The following NAALADL2 variants were observed in gnomAD, a reference collection of about 807,000 sequenced individuals.
The protein encoded by NAALADL2 is inactive N-acetylated-alpha-linked acidic dipeptidase-like protein 2.
In NAALADL2, 76 loss-of-function variants were observed where a neutral mutation model predicts 87.2. The observed-to-expected ratio is 0.87, with a 90% CI of 0.72 to 1.05. The LOEUF (loss-of-function observed/expected upper bound fraction) is 1.05. NAALADL2 is among the 50% of genes least tolerant of loss of function. The probability of loss-of-function intolerance (pLI) is 0.00; values close to 1 mark genes in which losing one functional copy is unlikely to be tolerated. For missense variants in NAALADL2, 1,089 were observed against 945.8 expected, an observed-to-expected ratio of 1.15 and a Z score of -1.99; for synonymous variants, 354 against 331.0, an observed-to-expected ratio of 1.07 and a Z score of -0.75.
chr3:174,838,037 G>C (rs201612678), intron 3 of NAALADL2, among the ~76,000 whole-genome samples: 1 of 117,348 alleles, frequency 8.5e-6, no homozygotes, highest in Non-Finnish European at 1.8e-5. Context: ...AAAAAAAAAA[G>C]AAAAAAAAAA....
At chr3:175,097,969 T>G (rs184482578) in intron 2 of NAALADL2, among the ~76,000 whole-genome samples, 21 of 152,230 alleles carry the variant, frequency 1.4e-4, no homozygotes, top group Admixed American at 5.9e-4. Context: ...CTGGGTTACA[T>G]TGATTTGTTA....
intron 3 of NAALADL2, among the ~76,000 whole-genome samples, chr3:175,252,508 T>A (rs1454203722): frequency 6.6e-6 from 1 of 152,122 alleles, no homozygotes; most frequent in Non-Finnish European, 1.5e-5. Context: ...CTCCCTCTCC[T>A]GGGCCTCTGT....
At chr3:175,714,914 A>G (rs1443883536) in intron 11 of NAALADL2, among the ~76,000 whole-genome samples, 6 of 152,182 alleles carry the variant, frequency 3.9e-5, no homozygotes, top group Admixed American at 3.9e-4. Context: ...CGTAAGACCT[A>G]AAACCATAAA....
chr3:175,550,535 A>T (rs2149489348), intron 9 of NAALADL2, among the ~76,000 whole-genome samples: 1 of 152,308 alleles, frequency 6.6e-6, no homozygotes, highest in Admixed American at 6.5e-5. Context: ...TGATAAAATA[A>T]AGATATTGTT....
intron 3 of NAALADL2, among the ~76,000 whole-genome samples, chr3:174,843,239 C>T (rs1407658784): frequency 6.6e-6 from 1 of 152,056 alleles, no homozygotes; most frequent in Non-Finnish European, 1.5e-5. Flanking sequence ...TCTGATCAAT[C>T]TCTTCCCATC....
intron 2 of NAALADL2, among the ~76,000 whole-genome samples, chr3:174,592,668 G>C (rs1453703442): frequency 2.0e-5 from 3 of 152,122 alleles, no homozygotes; most frequent in Admixed American, 2.0e-4. Context: ...CAAAGTTGTT[G>C]TCTAATTTGG....
intron 1 of NAALADL2, among the ~76,000 whole-genome samples, chr3:174,888,475 C>G (rs1269849294): frequency 6.6e-6 from 1 of 152,182 alleles, no homozygotes; most frequent in Non-Finnish European, 1.5e-5. Flanking sequence ...CAAAGTTGAT[C>G]AAATACTTTC....
intron 10 of NAALADL2, among the ~76,000 whole-genome samples, chr3:175,611,253 A>C (rs930753108): frequency 3.3e-5 from 5 of 152,148 alleles, no homozygotes; most frequent in Non-Finnish European, 7.4e-5. Context: ...TAATAATTTC[A>C]AGTGAAATTA....
intron 2 of NAALADL2, among the ~76,000 whole-genome samples, chr3:175,225,709 C>G (rs1353396722): frequency 6.6e-6 from 1 of 152,052 alleles, no homozygotes; most frequent in Non-Finnish European, 1.5e-5. Context: ...GAAATAATGA[C>G]TCTTTTTATC....
At chr3:174,867,819 A>G (rs1279870811) in intron 1 of NAALADL2, among the ~76,000 whole-genome samples, 1 of 152,096 alleles carries the variant, frequency 6.6e-6, no homozygotes, top group Non-Finnish European at 1.5e-5. Flanking sequence ...TAGTTGGCAT[A>G]GAGTCTCTTT....
chr3:175,692,745 G>A (rs1017569990), intron 11 of NAALADL2, among the ~76,000 whole-genome samples: 1 of 152,094 alleles, frequency 6.6e-6, no homozygotes, highest in African/African-American at 2.4e-5. Context: ...GTGAAAATAA[G>A]TTCTCCGTGC....
chr3:174,453,791 C>T (rs1444671651), intron 1 of NAALADL2, among the ~76,000 whole-genome samples: 6 of 152,254 alleles, frequency 3.9e-5, no homozygotes, highest in African/African-American at 9.6e-5. Flanking sequence ...GAGACCATTA[C>T]CAGCCGCTAC....
intron 1 of NAALADL2, among the ~76,000 whole-genome samples, chr3:174,895,470 T>C (rs1013444019): frequency 1.9e-4 from 29 of 151,970 alleles, no homozygotes; most frequent in African/African-American, 6.8e-4. Context: ...CCTACCAAGA[T>C]TGAACTGGGA....
chr3:175,428,041 T>A (rs1289716544), intron 5 of NAALADL2, among the ~76,000 whole-genome samples: 2 of 152,154 alleles, frequency 1.3e-5, no homozygotes, highest in African/African-American at 4.8e-5. Flanking sequence ...TAAATGGCAC[T>A]AATCTAAATC....
chr3:175,137,607 C>CTT (rs66682761), intron 2 of NAALADL2, among the ~76,000 whole-genome samples: 4 of 134,430 alleles, frequency 3.0e-5, no homozygotes, highest in African/African-American at 5.5e-5. Context: ...GAGATTGACC[C>CTT]TTTTTTTTTT....
intron 2 of NAALADL2, among the ~76,000 whole-genome samples, chr3:174,676,940 A>G (rs527581895): frequency 1.3e-5 from 2 of 152,100 alleles, no homozygotes; most frequent in African/African-American, 2.4e-5. Context: ...AAACCCTGGT[A>G]TATATAATTA....
At chr3:175,801,808 C>A (rs1171028935) in intron 13 of NAALADL2, among the ~76,000 whole-genome samples, 2 of 152,084 alleles carry the variant, frequency 1.3e-5, no homozygotes, top group African/African-American at 4.8e-5. Context: ...AGCTTTCTAA[C>A]AAAATGCATC....
At chr3:175,566,018 T>A (rs1489825609) in intron 9 of NAALADL2, among the ~76,000 whole-genome samples, 1 of 151,966 alleles carries the variant, frequency 6.6e-6, no homozygotes, top group African/African-American at 2.4e-5. Flanking sequence ...TTAGTAAAGA[T>A]GGGGTTTTGC....
chr3:175,788,424 C>T (rs1469682684), intron 13 of NAALADL2, among the ~76,000 whole-genome samples: 1 of 151,950 alleles, frequency 6.6e-6, no homozygotes, highest in Non-Finnish European at 1.5e-5. Context: ...TTTTAGTGTG[C>T]CTTTTCTATG....
Sources: gnomAD v4.1 joint callset for allele counts (sites outside exome capture counted in the v4.1 genomes callset) on GRCh38, gnomAD v4.1.1 for gene constraint, MANE v1.5 for transcripts, NCBI Gene and HGNC (gene_info 2026-07-23, HGNC 2026-07-21) for gene names.